Variants in MARCHF3 observed in about 807,000 individuals in gnomAD.
The protein encoded by MARCHF3 is E3 ubiquitin-protein ligase MARCHF3.
A neutral mutation model predicts 24.2 loss-of-function variants in MARCHF3; 13 were observed. The ratio of observed to expected loss-of-function variants is 0.54; its 90% CI spans 0.35 to 0.85. The LOEUF (loss-of-function observed/expected upper bound fraction) is 0.85, where lower values mean the gene tolerates loss of function less well. MARCHF3 is among the 40% of genes least tolerant of loss of function. The pLI, the probability that MARCHF3 is intolerant of heterozygous loss-of-function variation, is 0.01. For missense variants in MARCHF3, 276 were observed against 325.0 expected, an observed-to-expected ratio of 0.85 and a Z score of 1.16; for synonymous variants, 144 against 137.3, an observed-to-expected ratio of 1.05 and a Z score of -0.34.
rs370104177 is a variant in MARCHF3 at position 126,882,236 on chromosome 5, C to T, written c.394-3842G>A. On this transcript the variant is annotated intron_variant, in intron 3 of 4. Coordinates refer to ENST00000308660, the MANE Select transcript of MARCHF3 (RefSeq NM_178450.5). Reference sequence around the variant, plus strand: ...AATGGCATTTGTGTGTGTATGCTTGCGTGTGCAAGGTTTTTTAACTTTTCA... The same window carrying T: ...AATGGCATTTGTGTGTGTATGCTTGTGTGTGCAAGGTTTTTTAACTTTTCA... 2.3e-4 allele frequency among the ~76,000 whole-genome samples: 35 copies of T among 152,260 alleles called. 1 individual carries two copies. The highest frequency in any genetic ancestry group is 1.2e-3 in the East Asian group (6 of 5,184).
chr5:126,956,562 T>C (rs1444218985), intron 1 of MARCHF3, among the ~76,000 whole-genome samples: 2 of 148,556 alleles, frequency 1.3e-5, no homozygotes, highest in East Asian at 3.9e-4. Context: ...GGGGAATCAC[T>C]TGAACCTGGG....
chr5:126,953,555 T>C (rs1407418010), intron 1 of MARCHF3, among the ~76,000 whole-genome samples: 1 of 152,208 alleles, frequency 6.6e-6, no homozygotes, highest in African/African-American at 2.4e-5. Context: ...TTCAAAAAAT[T>C]TCCCTCAGAA....
chr5:126,917,846 C>CTTT (rs36120055), intron 2 of MARCHF3, 138 bp downstream of exon 2: 23 of 683,022 alleles, frequency 3.4e-5, no homozygotes, highest in South Asian at 7.6e-5. Flanking sequence ...CTCGTGTAGT[C>CTTT]TTTTTTTTTT....
chr5:126,909,685 G>A (rs987864304), intron 3 of MARCHF3, among the ~76,000 whole-genome samples: 21 of 152,108 alleles, frequency 1.4e-4, no homozygotes, highest in South Asian at 6.2e-4. Context: ...CACGGTGCCC[G>A]CACCCACTGA....
intron 1 of MARCHF3, among the ~76,000 whole-genome samples, chr5:126,993,866 G>A (rs1751858191): frequency 6.6e-6 from 1 of 152,070 alleles, no homozygotes; most frequent in Admixed American, 6.6e-5. Context: ...AATATACAAT[G>A]GTATAGATTT....
intron 3 of MARCHF3, among the ~76,000 whole-genome samples, chr5:126,896,390 A>C (rs1246140235): frequency 6.6e-6 from 1 of 152,136 alleles, no homozygotes; most frequent in East Asian, 1.9e-4. Context: ...GATTCATGAC[A>C]TCAGGGACTG....
chr5:126,869,382 C>T lies in MARCHF3; in HGVS notation c.*1251G>A, dbSNP rs917016760. The T allele has an allele frequency of 6.6e-6, 1 of 152,224 alleles. No homozygotes were observed. The highest frequency in any genetic ancestry group is 1.5e-5 in the Non-Finnish European group (1 of 68,054). The allele number at this position is 152,224 out of a possible 1,614,324, so 9.4% of individuals were successfully genotyped here. A position where few individuals can be genotyped will look rare whatever the true frequency, so the allele number is the denominator to read the frequency against. ...CTCCTCAGAAGACATCCGCTCCTGCCTCGGTGCGCGCACAATGCAGGCTGC... is the reference window on the plus strand; with the variant it reads ...CTCCTCAGAAGACATCCGCTCCTGCTTCGGTGCGCGCACAATGCAGGCTGC... On this transcript the variant is annotated 3_prime_UTR_variant, in exon 5 of 5. Coordinates refer to ENST00000308660, the MANE Select transcript of MARCHF3 (RefSeq NM_178450.5).
At chr5:127,017,571 T>A (rs1452408442) in intron 1 of MARCHF3, among the ~76,000 whole-genome samples, 1 of 152,196 alleles carries the variant, frequency 6.6e-6, no homozygotes, top group Non-Finnish European at 1.5e-5. Flanking sequence ...CATGGGGCAA[T>A]CTCATCTAAT....
chr5:127,005,619 A>G (rs1361349314), intron 1 of MARCHF3, among the ~76,000 whole-genome samples: 2 of 151,938 alleles, frequency 1.3e-5, no homozygotes, highest in Admixed American at 1.3e-4. Flanking sequence ...TGTGTGCATC[A>G]TTTTTTCTGA....
At chr5:127,001,467 T>C (rs980893951) in intron 1 of MARCHF3, among the ~76,000 whole-genome samples, 3 of 152,200 alleles carry the variant, frequency 2.0e-5, no homozygotes, top group African/African-American at 7.2e-5. Context: ...GGTCAATACA[T>C]AATTCTTGAC....
intron 1 of MARCHF3, among the ~76,000 whole-genome samples, chr5:126,944,912 C>T (rs1749957910): frequency 6.6e-6 from 1 of 152,162 alleles, no homozygotes. Flanking sequence ...AGCCCTTATC[C>T]TTGCCTCTCC....
chr5:126,943,465 C>A (rs901922545), intron 1 of MARCHF3, among the ~76,000 whole-genome samples: 3 of 151,666 alleles, frequency 2.0e-5, no homozygotes, highest in African/African-American at 7.3e-5. Context: ...GGCCTGTGGT[C>A]CCAGCTACTT....
intron 1 of MARCHF3, among the ~76,000 whole-genome samples, chr5:126,993,002 G>C (rs1279681286): frequency 6.6e-6 from 1 of 152,084 alleles, no homozygotes; most frequent in Non-Finnish European, 1.5e-5. Flanking sequence ...TCGATCTCCT[G>C]ACCTCGTGAT....
intron 1 of MARCHF3, among the ~76,000 whole-genome samples, chr5:126,971,944 T>C (rs1195034354): frequency 6.6e-6 from 1 of 152,214 alleles, no homozygotes; most frequent in Non-Finnish European, 1.5e-5. Flanking sequence ...ACCGGCAACT[T>C]AGAAACTTAG....
chr5:127,017,259 T>C (rs1752664922), intron 1 of MARCHF3, among the ~76,000 whole-genome samples: 1 of 152,088 alleles, frequency 6.6e-6, no homozygotes. Flanking sequence ...ACTTAAAGTA[T>C]GATAAAAAAA....
intron 1 of MARCHF3, among the ~76,000 whole-genome samples, chr5:126,939,213 C>A (rs937842974): frequency 6.6e-6 from 1 of 152,076 alleles, no homozygotes; most frequent in Non-Finnish European, 1.5e-5. Flanking sequence ...CATTGACAAC[C>A]CCACCCCCTT....
chr5:126,977,322 A>C (rs1380450947), intron 1 of MARCHF3, among the ~76,000 whole-genome samples: 1 of 152,202 alleles, frequency 6.6e-6, no homozygotes, highest in African/African-American at 2.4e-5. Context: ...CCAAACCTGA[A>C]GGTCACCTAG....
chr5:126,918,954 G>A (rs1212485453), intron 1 of MARCHF3, among the ~76,000 whole-genome samples: 2 of 152,118 alleles, frequency 1.3e-5, no homozygotes, highest in African/African-American at 4.8e-5. Flanking sequence ...CAATAAATAC[G>A]TTAGCATGAT....
At chr5:126,935,601 CTTTTTTT>C (rs202058243) in intron 1 of MARCHF3, among the ~76,000 whole-genome samples, 5 of 70,592 alleles carry the variant, frequency 7.1e-5, no homozygotes, top group South Asian at 5.8e-4. Flanking sequence ...GTATATATGG[CTTTTTTT>C]TTTTTTTTTT....
Sources: gnomAD v4.1 joint callset for allele counts (sites outside exome capture counted in the v4.1 genomes callset) on GRCh38, gnomAD v4.1.1 for gene constraint, MANE v1.5 for transcripts, NCBI Gene and HGNC (gene_info 2026-07-23, HGNC 2026-07-21) for gene names.